CYP7B1: variants seen among roughly 807,000 people sequenced by gnomAD.
The protein encoded by CYP7B1 is cytochrome P450 7B1.
A neutral mutation model predicts 42.7 loss-of-function variants in CYP7B1; 29 were observed. The ratio of observed to expected loss-of-function variants is 0.68; its 90% CI spans 0.51 to 0.93. The LOEUF is 0.93. Among genes scored for constraint, CYP7B1 ranks in the 40% least tolerant of loss-of-function variants. The pLI is 0.00. For missense variants in CYP7B1, 655 were observed against 600.5 expected (o/e 1.09, Z -0.95); for synonymous variants, 235 against 218.2 (o/e 1.08, Z -0.68).
intron 1 of CYP7B1, among the ~76,000 whole-genome samples, chr8:64,784,004 A>C (rs998502214): frequency 1.3e-5 from 2 of 152,168 alleles, no homozygotes; most frequent in Non-Finnish European, 2.9e-5. Flanking sequence ...TATTTTATGA[A>C]TCATTTTTCT....
intron 1 of CYP7B1, among the ~76,000 whole-genome samples, chr8:64,729,641 C>T (rs1807379423): frequency 6.6e-6 from 1 of 152,036 alleles, no homozygotes; most frequent in African/African-American, 2.4e-5. Flanking sequence ...GATTTTTTCC[C>T]TTCATAAAAA....
chr8:64,640,085 GA>G (rs1805831068), intron 1 of CYP7B1, among the ~76,000 whole-genome samples: 1 of 152,062 alleles, frequency 6.6e-6, no homozygotes, highest in African/African-American at 2.4e-5. Flanking sequence ...GAAATTTTTT[GA>G]AAAGATAAAA....
chr8:64,759,602 T>C (rs1259935571), intron 1 of CYP7B1, among the ~76,000 whole-genome samples: 3 of 152,132 alleles, frequency 2.0e-5, no homozygotes, highest in Admixed American at 2.0e-4. Flanking sequence ...GATCAAACTA[T>C]GATATGAATA....
rs192603238 is a variant in CYP7B1 at position 64,695,207 on chromosome 8, T to C, written c.123-70668A>G. Among the ~76,000 whole-genome samples the C allele has an allele frequency of 8.5e-5, 13 of 152,280 alleles. No individual in the cohort carries two copies. The East Asian group carries it at 2.5e-3, about 29-fold the overall frequency. On this transcript the variant is annotated intron_variant, in intron 1 of 5. Transcript: ENST00000310193. ...CAGTTCCTCATTTATAAACCGGCTC[T>C]GTGAAAAATACACACGCAAAGCCAC...
chr8:64,777,174 TAAAAAA>T (rs71561235), intron 1 of CYP7B1, among the ~76,000 whole-genome samples: 2 of 113,126 alleles, frequency 1.8e-5, no homozygotes, highest in Admixed American at 1.9e-4. Context: ...GGTCATTTTG[TAAAAAA>T]AAAAAAAAAA....
intron 1 of CYP7B1, among the ~76,000 whole-genome samples, chr8:64,666,585 G>T (rs1806283506): frequency 6.6e-6 from 1 of 152,132 alleles, no homozygotes; most frequent in African/African-American, 2.4e-5. Flanking sequence ...GACCCCTGGG[G>T]CAGAAAACAG....
chr8:64,666,100 A>C lies in CYP7B1; in HGVS notation c.123-41561T>G, dbSNP rs567733868. On this transcript the variant is annotated intron_variant, in intron 1 of 5. Coordinates refer to ENST00000310193, the MANE Select transcript of CYP7B1 (RefSeq NM_004820.5). Reference sequence around the variant, plus strand: ...ACTGTGATTGTTTCTAAGTATTGGCACTATGGTTAATTTTCTTTTTCTTGT... The same window carrying C: ...ACTGTGATTGTTTCTAAGTATTGGCCCTATGGTTAATTTTCTTTTTCTTGT... Among the ~76,000 whole-genome samples the C allele has an allele frequency of 6.6e-5, 10 of 152,328 alleles. No homozygotes were observed. The South Asian group carries it at 2.1e-3, about 32-fold the overall frequency.
chr8:64,798,568 G>A lies in CYP7B1; in HGVS notation c.20C>T (p.Ala7Val), dbSNP rs1282804280. 2.0e-6 allele frequency: 3 copies of A among 1,487,306 alleles called. No homozygotes were observed. Among genetic ancestry groups the A allele is most frequent in the African/African-American group, 1.5e-5 (1 of 68,140 alleles). 92.1% of individuals were successfully genotyped at this position (1,487,306 alleles called of 1,614,324 possible). MAGEVS[A>V]ATGRFSLERL... ...CTCCAGCGAAAAGCGGCCCGTGGCC[G>A]CGGACACTTCTCCTGCCATCCGGCG... The change falls in exon 1 of 6, where the codon GCG (alanine) becomes GTG (valine). Residue 7 changes from alanine (A) to valine (V), a missense_variant. Ala to Val is a moderately conservative substitution (Grantham distance 64). Coordinates refer to ENST00000310193, the MANE Select transcript of CYP7B1 (RefSeq NM_004820.5).
rs1231315751 is a variant in CYP7B1 at position 64,595,690 on chromosome 8, ATGT to A, written c.*949_*951del. On this transcript the variant is annotated 3_prime_UTR_variant, in exon 6 of 6. Transcript: ENST00000310193. ...ATATGAAATTACACTGCATTACATG[ATGT>A]TGTAATTCAAAATAGAACACATGAA... 6.6e-6 allele frequency among the ~76,000 whole-genome samples: 1 copy of A among 152,244 alleles called. No individual in the cohort carries two copies. Among genetic ancestry groups the A allele is most frequent in the Non-Finnish European group, 1.5e-5 (1 of 68,048 alleles).
At chr8:64,616,714 A>C (rs1805454593) in intron 2 of CYP7B1, among the ~76,000 whole-genome samples, 1 of 152,342 alleles carries the variant, frequency 6.6e-6, no homozygotes, top group Non-Finnish European at 1.5e-5. Context: ...CTTAGGTGTC[A>C]TCTGAGTTTT....
At chr8:64,795,290 G>A (rs937991837) in intron 1 of CYP7B1, among the ~76,000 whole-genome samples, 18 of 152,144 alleles carry the variant, frequency 1.2e-4, no homozygotes, top group African/African-American at 4.1e-4. Flanking sequence ...CTCAGAACTC[G>A]GGTAGGAACT....
chr8:64,766,162 G>A (rs1670203010), intron 1 of CYP7B1, among the ~76,000 whole-genome samples: 1 of 152,174 alleles, frequency 6.6e-6, no homozygotes, highest in African/African-American at 2.4e-5. Context: ...ATGGAGATTG[G>A]TGCCACAGAC....
intron 1 of CYP7B1, among the ~76,000 whole-genome samples, chr8:64,673,914 A>G (rs1371490737): frequency 6.6e-6 from 1 of 152,146 alleles, no homozygotes; most frequent in Non-Finnish European, 1.5e-5. Context: ...AGGAAAAAAT[A>G]TGCTTTAAAA....
intron 1 of CYP7B1, among the ~76,000 whole-genome samples, chr8:64,629,674 C>A (rs1805660643): frequency 6.6e-6 from 1 of 152,108 alleles, no homozygotes; most frequent in Non-Finnish European, 1.5e-5. Flanking sequence ...ACTTTGGCAG[C>A]AACCTCAATG....
chr8:64,719,393 A>G (rs950577544), intron 1 of CYP7B1, among the ~76,000 whole-genome samples: 1 of 152,224 alleles, frequency 6.6e-6, no homozygotes, highest in Non-Finnish European at 1.5e-5. Context: ...TTGTCTGTCA[A>G]GATATTAACA....
At chr8:64,740,878 A>C (rs146098734) in intron 1 of CYP7B1, among the ~76,000 whole-genome samples, 1 of 152,256 alleles carries the variant, frequency 6.6e-6, no homozygotes, top group East Asian at 1.9e-4. Context: ...CCCAAAAAGA[A>C]AGCACCAGGA....
chr8:64,678,386 C>A (rs1806483718), intron 1 of CYP7B1, among the ~76,000 whole-genome samples: 1 of 152,084 alleles, frequency 6.6e-6, no homozygotes, highest in Non-Finnish European at 1.5e-5. Context: ...ACTAGGCTAG[C>A]TGGATTTATT....
At chr8:64,771,045 A>ATATTTT (rs1308107007) in intron 1 of CYP7B1, among the ~76,000 whole-genome samples, 1 of 40,496 alleles carries the variant, frequency 2.5e-5, no homozygotes, top group African/African-American at 8.3e-5. Flanking sequence ...GGATATCAGC[A>ATATTTT]TCTTTTTTTT....
At chr8:64,777,276 AC>A (rs1312780362) in intron 1 of CYP7B1, among the ~76,000 whole-genome samples, 1 of 152,010 alleles carries the variant, frequency 6.6e-6, no homozygotes, top group Admixed American at 6.6e-5. Context: ...TTGGCATATA[AC>A]ATGAGCACTA....
Sources: gnomAD v4.1 joint callset for allele counts (sites outside exome capture counted in the v4.1 genomes callset) on GRCh38, gnomAD v4.1.1 for gene constraint, MANE v1.5 for transcripts, NCBI Gene and HGNC (gene_info 2026-07-23, HGNC 2026-07-21) for gene names.